The following MRPS5 variants were observed in gnomAD, a reference collection of about 807,000 sequenced individuals.
The protein encoded by MRPS5 is mitochondrial ribosomal protein S5, also known as small ribosomal subunit protein uS5m.
MRPS5 carries 27 observed loss-of-function variants against 51.9 expected under a neutral mutation model. The observed-to-expected ratio is 0.52, with a 90% CI of 0.38 to 0.72. The LOEUF (loss-of-function observed/expected upper bound fraction) is 0.72, where lower values mean the gene tolerates loss of function less well. Ranked by LOEUF, MRPS5 falls within the 30% of genes least tolerant of loss-of-function variation. The pLI is 0.00. For synonymous variants in MRPS5, 196 were observed against 193.2 expected, an observed-to-expected ratio of 1.01 and a Z score of -0.12; for missense variants, 570 against 545.7, an observed-to-expected ratio of 1.04 and a Z score of -0.44.
intron 11 of MRPS5, among the ~76,000 whole-genome samples, chr2:95,088,576 AT>A (rs1675366438): frequency 6.6e-6 from 1 of 152,266 alleles, no homozygotes; most frequent in African/African-American, 2.4e-5. Context: ...CAGATGAGCC[AT>A]TTCATAAACA....
At chr2:95,114,233 T>C (rs1416288956) in intron 3 of MRPS5, among the ~76,000 whole-genome samples, 3 of 151,704 alleles carry the variant, frequency 2.0e-5, no homozygotes, top group African/African-American at 7.3e-5. Flanking sequence ...AAACTAATCA[T>C]GAATTGCCTT....
At chr2:95,107,016 G>T (rs2104415825) in intron 5 of MRPS5, among the ~76,000 whole-genome samples, 1 of 152,192 alleles carries the variant, frequency 6.6e-6, no homozygotes, top group African/African-American at 2.4e-5. Flanking sequence ...CTTTCGGTTA[G>T]GTCTCTCTCA....
At chr2:95,119,519 G>C (rs553920222) in intron 1 of MRPS5, among the ~76,000 whole-genome samples, 1 of 151,980 alleles carries the variant, frequency 6.6e-6, no homozygotes, top group Admixed American at 6.6e-5. Context: ...GGCTGAAGTG[G>C]GAGGGTCACC....
chr2:95,100,693 T>C, intron 9 of MRPS5, 144 bp downstream of exon 9: 1 of 884,390 alleles, frequency 1.1e-6, no homozygotes, highest in South Asian at 1.7e-5. Flanking sequence ...GTAACCTTCT[T>C]AGGAGATTTG....
chr2:95,088,681 C>T (rs1261871833), intron 11 of MRPS5, among the ~76,000 whole-genome samples: 2 of 152,202 alleles, frequency 1.3e-5, no homozygotes, highest in Non-Finnish European at 2.9e-5. Flanking sequence ...AATAATGCAA[C>T]CTTTTATAGC....
intron 11 of MRPS5, among the ~76,000 whole-genome samples, chr2:95,089,579 A>G (rs1276451215): frequency 6.6e-6 from 1 of 152,128 alleles, no homozygotes; most frequent in Non-Finnish European, 1.5e-5. Context: ...GCTCCCACCT[A>G]TGAGGAAAAG....
intron 10 of MRPS5, among the ~76,000 whole-genome samples, chr2:95,098,702 G>A (rs186690326): frequency 1.3e-5 from 2 of 152,038 alleles, no homozygotes; most frequent in East Asian, 3.9e-4. Flanking sequence ...TGGGGGCAGT[G>A]GGGGAGGGAT....
chr2:95,100,628 C>G, intron 9 of MRPS5, 92 bp from the exon 10 acceptor site: 3 of 1,010,720 alleles, frequency 3.0e-6, no homozygotes, highest in Middle Eastern at 2.2e-4. Flanking sequence ...CTAGCCTCAA[C>G]AGCCAGCACA....
intron 1 of MRPS5, 28 bp from the exon 2 acceptor site, chr2:95,117,973 G>A: frequency 1.3e-6 from 2 of 1,522,108 alleles, no homozygotes; most frequent in Non-Finnish European, 1.8e-6. Flanking sequence ...AAAAATTTAA[G>A]ATACATTTCT....
intron 1 of MRPS5, among the ~76,000 whole-genome samples, chr2:95,119,100 T>C (rs1676369862): frequency 6.6e-6 from 1 of 152,176 alleles, no homozygotes; most frequent in Non-Finnish European, 1.5e-5. Context: ...ATATATATGA[T>C]ATAAGGGTCT....
chr2:95,100,435 T>C (rs575509724), intron 10 of MRPS5, 39 bp downstream of exon 10: 6 of 1,444,654 alleles, frequency 4.2e-6, no homozygotes, highest in Non-Finnish European at 5.8e-6. Flanking sequence ...ATAATTTCTC[T>C]GCTTTATCAT....
At chr2:95,097,366 A>G (rs1249310926) in intron 10 of MRPS5, among the ~76,000 whole-genome samples, 3 of 152,208 alleles carry the variant, frequency 2.0e-5, no homozygotes, top group Admixed American at 2.0e-4. Flanking sequence ...AGCATATGGA[A>G]CCAAAAAAGA....
intron 10 of MRPS5, 40 bp downstream of exon 10, chr2:95,100,434 C>T (rs760565701): frequency 2.1e-6 from 3 of 1,443,070 alleles, no homozygotes; most frequent in Admixed American, 3.5e-5. Flanking sequence ...TATAATTTCT[C>T]TGCTTTATCA....
intron 10 of MRPS5, among the ~76,000 whole-genome samples, chr2:95,099,762 T>C (rs1228152308): frequency 6.6e-6 from 1 of 152,200 alleles, no homozygotes; most frequent in Non-Finnish European, 1.5e-5. Flanking sequence ...ATTTGAGGGT[T>C]TTTTCCTGAT....
chr2:95,113,392 C>T (rs1466927776), intron 3 of MRPS5, among the ~76,000 whole-genome samples: 1 of 152,092 alleles, frequency 6.6e-6, no homozygotes, highest in African/African-American at 2.4e-5. Context: ...AGGAGAATCG[C>T]TTGAACCCAG....
intron 3 of MRPS5, among the ~76,000 whole-genome samples, chr2:95,114,327 A>G (rs931216721): frequency 1.3e-3 from 189 of 149,488 alleles, no homozygotes; most frequent in Non-Finnish European, 2.3e-3. Context: ...GCACGATCTC[A>G]GCTCACTGCA....
chr2:95,121,378 A>C (rs1676443536), intron 1 of MRPS5, among the ~76,000 whole-genome samples: 1 of 152,204 alleles, frequency 6.6e-6, no homozygotes, highest in South Asian at 2.1e-4. Flanking sequence ...GTTATGCTGG[A>C]CGACAAACCC....
chr2:95,086,195 T>C lies in MRPS5; in HGVS notation c.*1162A>G, dbSNP rs971316930. ...TCACCTTCACAAAGTGCTGGGGTTA[T>C]AGGCGTGAGCCACCACACCTACCTG... On this transcript the variant is annotated 3_prime_UTR_variant, in exon 12 of 12. Coordinates refer to ENST00000272418, the MANE Select transcript of MRPS5 (RefSeq NM_031902.5). Among the ~76,000 whole-genome samples the C allele has an allele frequency of 2.6e-5, 4 of 152,136 alleles. No individual in the cohort carries two copies. Among genetic ancestry groups the C allele is most frequent in the Admixed American group, 6.5e-5 (1 of 15,278 alleles).
chr2:95,097,324 A>G (rs1675656465), intron 10 of MRPS5, among the ~76,000 whole-genome samples: 1 of 152,256 alleles, frequency 6.6e-6, no homozygotes, highest in African/African-American at 2.4e-5. Flanking sequence ...TTCTTCACAG[A>G]ATTGGAAAAC....
Sources: gnomAD v4.1 joint callset for allele counts (sites outside exome capture counted in the v4.1 genomes callset) on GRCh38, gnomAD v4.1.1 for gene constraint, MANE v1.5 for transcripts, NCBI Gene and HGNC (gene_info 2026-07-23, HGNC 2026-07-21) for gene names.